Variants in DPYD observed in about 807,000 individuals in gnomAD.
DPYD encodes the protein dihydropyrimidine dehydrogenase [NADP(+)].
A neutral mutation model predicts 116.2 loss-of-function variants in DPYD; 109 were observed. The observed-to-expected ratio is 0.94, with a 90% CI of 0.80 to 1.10. DPYD has a LOEUF of 1.10. DPYD is among the 50% of genes least tolerant of loss of function. The pLI is 0.00. For synonymous variants in DPYD, 440 were observed against 432.0 expected (o/e 1.02, Z -0.23); for missense variants, 1,302 against 1,254.5 (o/e 1.04, Z -0.57).
At chr1:97,260,369 T>G (rs906880337) in intron 18 of DPYD, among the ~76,000 whole-genome samples, 1 of 152,080 alleles carries the variant, frequency 6.6e-6, no homozygotes, top group African/African-American at 2.4e-5. Flanking sequence ...ACTTATATGA[T>G]AGTATTCTGT....
chr1:97,574,022 C>T (rs1429721938), intron 10 of DPYD, 52 bp from the exon 11 acceptor site: 8 of 1,596,410 alleles, frequency 5.0e-6, no homozygotes, highest in East Asian at 4.5e-5. Context: ...TTATTCCACA[C>T]AGTATTTGAT....
At chr1:97,636,017 C>T (rs1385764849) in intron 8 of DPYD, among the ~76,000 whole-genome samples, 2 of 151,964 alleles carry the variant, frequency 1.3e-5, no homozygotes, top group African/African-American at 2.4e-5. Flanking sequence ...GATGGGGTTT[C>T]GCCATATTGC....
At chr1:97,143,265 T>G (rs1654361860) in intron 20 of DPYD, among the ~76,000 whole-genome samples, 1 of 152,160 alleles carries the variant, frequency 6.6e-6, no homozygotes, top group Non-Finnish European at 1.5e-5. Flanking sequence ...GAATTCCTTC[T>G]TGCTAGAATG....
chr1:97,327,582 T>A (rs901723433), intron 16 of DPYD, among the ~76,000 whole-genome samples: 94 of 152,154 alleles, frequency 6.2e-4, no homozygotes, highest in Middle Eastern at 3.4e-3. Flanking sequence ...TTTACTCCTT[T>A]ATTGAGTAAA....
intron 20 of DPYD, among the ~76,000 whole-genome samples, chr1:97,122,185 T>C (rs1652495090): frequency 6.6e-6 from 1 of 152,094 alleles, no homozygotes; most frequent in Admixed American, 6.6e-5. Flanking sequence ...GGAGTACGGA[T>C]GAAAAGAGAG....
At chr1:97,690,762 T>C (rs1363872421) in intron 7 of DPYD, among the ~76,000 whole-genome samples, 3 of 152,110 alleles carry the variant, frequency 2.0e-5, no homozygotes, top group Non-Finnish European at 4.4e-5. Flanking sequence ...TTTTATAAAG[T>C]TGCCCAAATC....
At chr1:97,816,143 T>TA (rs989369644) in intron 3 of DPYD, among the ~76,000 whole-genome samples, 4 of 152,000 alleles carry the variant, frequency 2.6e-5, no homozygotes, top group African/African-American at 9.7e-5. Context: ...GTGGACACTG[T>TA]ACACTATAGC....
chr1:97,526,884 A>C (rs1649141347), intron 12 of DPYD, among the ~76,000 whole-genome samples: 1 of 152,206 alleles, frequency 6.6e-6, no homozygotes, highest in Non-Finnish European at 1.5e-5. Flanking sequence ...ATTTGCAAGT[A>C]ATATTTATAC....
intron 20 of DPYD, among the ~76,000 whole-genome samples, chr1:97,145,218 CA>C (rs1654526845): frequency 6.6e-6 from 1 of 151,958 alleles, no homozygotes; most frequent in Non-Finnish European, 1.5e-5. Context: ...CCATGTGCAG[CA>C]TATTAAAATG....
chr1:97,079,085 G>GTACA lies in DPYD; in HGVS notation c.2965_2968dup (p.Thr990MetfsTer24). ...AATAGGGCAAACACTGAGACACAGA[G>GTACA]TACAGCCTGTACAAGTGTCGGTTAT... On this transcript the variant is annotated frameshift_variant, in exon 23 of 23. Coordinates refer to ENST00000370192, the MANE Select transcript of DPYD (RefSeq NM_000110.4). LOFTEE classifies it high-confidence loss of function. 1 of 1,613,768 alleles carries GTACA rather than the reference G, an allele frequency of 6.2e-7. No homozygotes were observed. The highest frequency in any genetic ancestry group is 8.5e-7 in the Non-Finnish European group (1 of 1,179,752).
chr1:97,648,535 A>C (rs540421665), intron 8 of DPYD, among the ~76,000 whole-genome samples: 1 of 152,078 alleles, frequency 6.6e-6, no homozygotes, highest in East Asian at 1.9e-4. Flanking sequence ...ACTAAAAGAA[A>C]ACACTTTATT....
chr1:97,612,668 A>T (rs1045039252), intron 8 of DPYD, among the ~76,000 whole-genome samples: 5 of 152,072 alleles, frequency 3.3e-5, no homozygotes, highest in Non-Finnish European at 1.5e-5. Context: ...AGCAGCAAAT[A>T]ATATCTTTAA....
chr1:97,192,984 G>T, intron 20 of DPYD, 85 bp downstream of exon 20: 1 of 1,473,754 alleles, frequency 6.8e-7, no homozygotes, highest in Non-Finnish European at 9.5e-7. Flanking sequence ...TCCTTTGTTA[G>T]TGAGAATGTG....
chr1:97,822,218 TTGTTTC>T (rs1249967100), intron 3 of DPYD, among the ~76,000 whole-genome samples: 1 of 148,446 alleles, frequency 6.7e-6, no homozygotes, highest in Non-Finnish European at 1.5e-5. Context: ...ACAAGCAATT[TTGTTTC>T]TCTCTCTCTC....
chr1:97,915,989 G>T (rs1462872022), intron 1 of DPYD, among the ~76,000 whole-genome samples: 1 of 152,014 alleles, frequency 6.6e-6, no homozygotes, highest in Non-Finnish European at 1.5e-5. Flanking sequence ...CTCCCACAGT[G>T]ATCAGACATC....
At chr1:97,335,297 AGTACAC>A (rs1177135275) in intron 16 of DPYD, among the ~76,000 whole-genome samples, 4 of 110,264 alleles carry the variant, frequency 3.6e-5, no homozygotes, top group Admixed American at 3.0e-4. Flanking sequence ...TATGGAGTTA[AGTACAC>A]ACACACACAC....
intron 20 of DPYD, among the ~76,000 whole-genome samples, chr1:97,186,050 C>T (rs938709352): frequency 1.3e-5 from 2 of 152,060 alleles, no homozygotes; most frequent in African/African-American, 4.8e-5. Context: ...ATTATAGTAT[C>T]CTCTTTTGAA....
chr1:97,141,059 T>C (rs1654180471), intron 20 of DPYD, among the ~76,000 whole-genome samples: 1 of 152,126 alleles, frequency 6.6e-6, no homozygotes, highest in Non-Finnish European at 1.5e-5. Context: ...TCTGAGTACA[T>C]ATCACATCTG....
chr1:97,486,326 A>C (rs898472296), intron 13 of DPYD, among the ~76,000 whole-genome samples: 2 of 152,148 alleles, frequency 1.3e-5, no homozygotes, highest in African/African-American at 4.8e-5. Flanking sequence ...GAGAACACTC[A>C]ATTTTTCATT....
Sources: allele counts gnomAD v4.1 joint callset (sites outside exome capture counted in the v4.1 genomes callset), GRCh38; gene constraint gnomAD v4.1.1; transcripts MANE v1.5; gene names NCBI Gene and HGNC (gene_info 2026-07-23, HGNC 2026-07-21).